Variants in MYO15B observed in about 807,000 individuals in gnomAD.
The protein encoded by MYO15B is myosin XVB.
A neutral mutation model predicts 119.3 loss-of-function variants in MYO15B; 207 were observed. That is an observed-to-expected ratio of 1.73 (90% confidence interval 1.55 to 1.95). The LOEUF (loss-of-function observed/expected upper bound fraction) is 1.95. Among genes scored for constraint, MYO15B ranks in the 30% most tolerant of loss-of-function variants. MYO15B has a pLI of 0.00. For missense variants in MYO15B, 2,264 were observed against 1,203.1 expected (o/e 1.88, Z -13.04); for synonymous variants, 966 against 498.9 (o/e 1.94, Z -12.48).
Position 75,589,058 on chromosome 17 carries a change from T to G in MYO15B, c.1001T>G (p.Leu334Arg). 7.6e-6 allele frequency: 3 copies of G among 395,988 alleles called. No individual in the cohort carries two copies. Among genetic ancestry groups the G allele is most frequent in the Non-Finnish European group, 1.3e-5 (3 of 224,326 alleles). 24.5% of individuals were successfully genotyped at this position (395,988 alleles called of 1,614,324 possible). A position where few individuals can be genotyped will look rare whatever the true frequency, so the allele number is the denominator to read the frequency against. Residue 334 changes from leucine to arginine, a missense_variant, in exon 1 of 64, where the codon CTG becomes CGG. Coordinates refer to ENST00000645453, the Ensembl canonical transcript of MYO15B. The surrounding 1 kb of genome is among the most constrained non-coding windows in gnomAD (Gnocchi z 4.2). ...GCGGGGCCGGAGGACCCAGCCCCGC[T>G]GGCGGCCCTCCTGGTGGTCCGCAGG...
At chr17:75,625,942 C>T (rs962358700) in exon 62 of MYO15B, 18 of 702,594 alleles carry the variant, frequency 2.6e-5, no homozygotes, top group Middle Eastern at 2.3e-4. Flanking sequence ...GGGGCTCAAC[C>T]GCCAGCATCT....
In MYO15B at chr17:75,594,776, G is replaced by C; in HGVS notation, c.3164+17G>C. The C allele has an allele frequency of 2.8e-6, 2 of 703,032 alleles. No individual in the cohort carries two copies. The highest frequency in any genetic ancestry group is 3.0e-5 in the South Asian group (2 of 67,604). The allele number at this position is 703,032 out of a possible 1,614,324, so 43.5% of individuals were successfully genotyped here. A position where few individuals can be genotyped will look rare whatever the true frequency, so the allele number is the denominator to read the frequency against. On this transcript the variant is annotated intron_variant, in intron 11 of 63. Transcript: ENST00000645453. ...TGATGCCAGGTGGCCCTAGAGACGG[G>C]TGAGAGTCAGAGCAGGGCCCGAGGC...
intron 9 of MYO15B, among the ~76,000 whole-genome samples, chr17:75,594,246 A>G (rs1316481683): frequency 6.6e-6 from 1 of 152,212 alleles, no homozygotes; most frequent in African/African-American, 2.4e-5. Flanking sequence ...CGTGGGGCGC[A>G]GGAAGGAAGG....
chr17:75,613,808 G>A (rs747506919), intron 29 of MYO15B, 31 bp downstream of exon 29: 1 of 690,698 alleles, frequency 1.4e-6, no homozygotes, highest in South Asian at 1.5e-5. Context: ...GGACAGTGTG[G>A]CCAAAGTGAC....
At chr17:75,598,639 T>G (rs1222947695) in intron 14 of MYO15B, among the ~76,000 whole-genome samples, 1 of 152,200 alleles carries the variant, frequency 6.6e-6, no homozygotes, top group Non-Finnish European at 1.5e-5. Context: ...CATGTCTTCA[T>G]GTACTATATA....
chr17:75,626,042 A>AC (rs2059033568), intron 62 of MYO15B, 46 bp from the exon 63 acceptor site: 1 of 695,872 alleles, frequency 1.4e-6, no homozygotes, highest in Non-Finnish European at 2.6e-6. Context: ...ACCCACAATG[A>AC]CCCCTCCCCG....
At chr17:75,611,289 C>G (rs1188665390) in intron 23 of MYO15B, among the ~76,000 whole-genome samples, 1 of 151,772 alleles carries the variant, frequency 6.6e-6, no homozygotes, top group African/African-American at 2.4e-5. Context: ...TGACAAGACC[C>G]CATCTCTACA....
At chr17:75,597,661 A>G (rs1312039219) in intron 14 of MYO15B, among the ~76,000 whole-genome samples, 1 of 152,234 alleles carries the variant, frequency 6.6e-6, no homozygotes. Context: ...TCAGTGGCTC[A>G]CGCCTGTAAT....
intron 41 of MYO15B, chr17:75,617,534 G>A (rs1301816312): frequency 9.5e-6 from 5 of 523,774 alleles, no homozygotes; most frequent in Non-Finnish European, 1.7e-5. Flanking sequence ...CACACACAGG[G>A]TGTTGTCCCT....
intron 14 of MYO15B, among the ~76,000 whole-genome samples, chr17:75,597,857 A>G (rs1287337003): frequency 2.0e-5 from 3 of 152,224 alleles, no homozygotes; most frequent in Admixed American, 2.0e-4. Context: ...TCAAGGATGC[A>G]GTGAGCCATG....
At chr17:75,607,047 T>G (rs1425436341) in intron 21 of MYO15B, 6 of 398,206 alleles carry the variant, frequency 1.5e-5, no homozygotes, top group Non-Finnish European at 2.7e-5. Flanking sequence ...CCCAGGCTGG[T>G]TGGGAAGTCA....
exon 3 of MYO15B, chr17:75,591,008 C>T (rs887174372): frequency 3.3e-6 from 2 of 608,476 alleles, no homozygotes; most frequent in South Asian, 1.9e-5. Context: ...AGGCCCTCAG[C>T]ACCACTCCGT....
rs367643031 is a variant in MYO15B at position 75,595,251 on chromosome 17, C to T, written c.3297+279C>T. Among the ~76,000 whole-genome samples, 43 of 152,288 alleles carry T rather than the reference C, an allele frequency of 2.8e-4. No homozygotes were observed. The East Asian group carries it at 8.1e-3, about 29-fold the overall frequency. ...TGGAGTTCTCGCTTCCACTCACCTC[C>T]AGAGGACGATGCCCCTCACCCCACA... On this transcript the variant is annotated intron_variant, in intron 12 of 63. Coordinates refer to ENST00000645453, the Ensembl canonical transcript of MYO15B.
intron 21 of MYO15B, among the ~76,000 whole-genome samples, chr17:75,608,692 G>C (rs2057809812): frequency 6.6e-6 from 1 of 151,990 alleles, no homozygotes; most frequent in African/African-American, 2.4e-5. Context: ...GGAGTAGCTG[G>C]GATTACGGGC....
At chr17:75,617,705 G>A (rs945311069) in intron 41 of MYO15B, 105 bp from the exon 42 acceptor site, 9 of 609,094 alleles carry the variant, frequency 1.5e-5, no homozygotes, top group African/African-American at 3.7e-5. Context: ...TGGGAGAGCC[G>A]GGCCCTTGGA....
chr17:75,615,826 C>T (rs1435201396), exon 36 of MYO15B: 1 of 702,434 alleles, frequency 1.4e-6, no homozygotes, highest in South Asian at 1.5e-5. Flanking sequence ...CCCAGGAAGC[C>T]CCCCACACCC....
chr17:75,615,889 G>C lies in MYO15B; in HGVS notation c.6030+5G>C, dbSNP rs1323878683. On this transcript the variant is annotated splice_donor_5th_base_variant and intron_variant, in intron 36 of 63. Transcript: ENST00000645453. ...TCAGAGGGTGGCTGCCTGAGGGTGA[G>C]GAGGTGACCATATTCTCAGGAAGGG... The C allele has an allele frequency of 1.5e-6, 1 of 669,208 alleles. No individual in the cohort carries two copies. Among genetic ancestry groups the C allele is most frequent in the South Asian group, 1.6e-5 (1 of 62,276 alleles). 41.5% of individuals were successfully genotyped at this position (669,208 alleles called of 1,614,324 possible).
Position 75,589,017 on chromosome 17 carries a change from G to GGGAGCCGCAGCA in MYO15B, c.966_977dup (p.Ala323_Ala326dup), listed in dbSNP as rs1052572960. ...CAGCGGCGGCAGGCGAGGGCGAAGC[G>GGGAGCCGCAGCA]GGAGCCGCAGCAGGAGCGGGGCCGG... is the stretch of plus-strand genomic sequence containing the variant. On this transcript the variant is annotated inframe_insertion, in exon 1 of 64. Coordinates refer to ENST00000645453, the Ensembl canonical transcript of MYO15B. The surrounding 1 kb of genome is among the most constrained non-coding windows in gnomAD (Gnocchi z 4.2). 5.0e-6 allele frequency: 2 copies of GGGAGCCGCAGCA among 397,578 alleles called. No homozygotes were observed. The highest frequency in any genetic ancestry group is 4.1e-5 in the African/African-American group (2 of 48,602). The allele number at this position is 397,578 out of a possible 1,614,324, so 24.6% of individuals were successfully genotyped here.
Position 75,606,215 on chromosome 17 carries a change from G to A in MYO15B, c.4292+194G>A, listed in dbSNP as rs373106425. On this transcript the variant is annotated intron_variant, in intron 21 of 63. Transcript: ENST00000645453. ...CGTGCAGCCTCTGCTTGAATACCCC[G>A]GCCACAAGAAACTCATTACCTACTG... 9.9e-4 allele frequency among the ~76,000 whole-genome samples: 150 copies of A among 152,006 alleles called. 1 individual carries two copies. The highest frequency in any genetic ancestry group is 3.7e-4 in the Non-Finnish European group (25 of 67,996).
Sources: allele counts gnomAD v4.1 joint callset (sites outside exome capture counted in the v4.1 genomes callset), GRCh38; gene constraint gnomAD v4.1.1; non-coding constraint Gnocchi (gnomAD v3.1); transcripts MANE v1.5; gene names NCBI Gene and HGNC (gene_info 2026-07-23, HGNC 2026-07-21).